WDR76: variants seen among roughly 807,000 people sequenced by gnomAD.
The protein encoded by WDR76 is WD repeat domain 76.
A neutral mutation model predicts 70.2 loss-of-function variants in WDR76; 52 were observed. The ratio of observed to expected loss-of-function variants is 0.74; its 90% confidence interval spans 0.59 to 0.93. The LOEUF (loss-of-function observed/expected upper bound fraction) is 0.93, where lower values mean the gene tolerates loss of function less well. Among genes scored for constraint, WDR76 ranks in the 40% least tolerant of loss-of-function variants. The pLI is 0.00. For synonymous variants in WDR76, 292 were observed against 271.1 expected, an observed-to-expected ratio of 1.08 and a Z score of -0.76; for missense variants, 756 against 760.2, an observed-to-expected ratio of 0.99 and a Z score of 0.07.
At position 43,835,083 on chromosome 15, in the gene WDR76, A is replaced by G. The variant is rs755419620; in HGVS notation, c.485A>G (p.Tyr162Cys). The change falls in exon 3 of 13, where the codon TAC becomes TGC. Residue 162 changes from tyrosine to cysteine, a missense_variant. Transcript: ENST00000263795. ...TAGGATTTTTCGGGATTGTCACCCT[A>G]CGAAAGGAAGAGACTGAAGAACATA... is the stretch of plus-strand genomic sequence containing the variant. ...PSLDFSGLSP[Y>C]ERKRLKNISE... 1.9e-6 allele frequency: 3 copies of G among 1,614,056 alleles called. No individual in the cohort carries two copies. In the African/African-American group the frequency reaches 4.0e-5, roughly 22 times the overall value.
chr15:43,864,077 T>C (rs1045304415), intron 12 of WDR76: 3 of 152,234 alleles, frequency 2.0e-5, no homozygotes, highest in Non-Finnish European at 2.9e-5. Flanking sequence ...CTTGTTTTAC[T>C]TAACATAATG....
Position 43,861,363 on chromosome 15 carries a change from G to C in WDR76, c.1593G>C (p.Lys531Asn). The change falls in exon 12 of 13, where the codon AAG (lysine) becomes AAC (asparagine). Residue 531 changes from lysine to asparagine, a missense_variant. By Grantham distance (94) the Lys-to-Asn change is moderately conservative. Transcript: ENST00000263795. ...RIFDSSCISSKIPLLTTIRHN... is the reference protein window; with the variant it reads ...RIFDSSCISSNIPLLTTIRHN... ...TTGACAGCAGCTGTATATCTTCTAA[G>C]ATTCCGCTCCTCACCACCATCAGGT... is the stretch of plus-strand genomic sequence containing the variant. 6.2e-7 allele frequency: 1 copy of C among 1,613,936 alleles called. No individual in the cohort carries two copies. The highest frequency in any genetic ancestry group is 8.5e-7 in the Non-Finnish European group (1 of 1,179,938).
chr15:43,866,079 C>T (rs2088066274), intron 12 of WDR76, 49 bp from the exon 13 acceptor site: 1 of 1,598,722 alleles, frequency 6.3e-7, no homozygotes, highest in Non-Finnish European at 8.6e-7. Context: ...CCCAATGCTA[C>T]CTTATTTAAC....
At chr15:43,844,678 G>A (rs2087765338) in intron 8 of WDR76, among the ~76,000 whole-genome samples, 1 of 151,300 alleles carries the variant, frequency 6.6e-6, no homozygotes, top group Non-Finnish European at 1.5e-5. Flanking sequence ...GGGAGGCCGA[G>A]GCGGGTGGAT....
At chr15:43,863,729 A>G (rs1225425569) in intron 12 of WDR76, among the ~76,000 whole-genome samples, 1 of 152,046 alleles carries the variant, frequency 6.6e-6, no homozygotes, top group Non-Finnish European at 1.5e-5. Context: ...CCTGCTAGTT[A>G]AAAAAATTAT....
At chr15:43,862,325 A>AT (rs1305086617) in intron 12 of WDR76, among the ~76,000 whole-genome samples, 6 of 21,864 alleles carry the variant, frequency 2.7e-4, no homozygotes, top group Admixed American at 5.1e-4. Flanking sequence ...TTTTTTTTTA[A>AT]TTTTTTTTTA....
chr15:43,849,394 T>C (rs1048044242), intron 8 of WDR76, among the ~76,000 whole-genome samples: 11 of 152,218 alleles, frequency 7.2e-5, no homozygotes, highest in Non-Finnish European at 1.0e-4. Flanking sequence ...GACAGATTTA[T>C]GTGTACCTAT....
Position 43,841,042 on chromosome 15 carries a change from A to C in WDR76, c.732+1314A>C, listed in dbSNP as rs545434827. ...TTTCTTTTTTTTTTTTCTTTCTGAG[A>C]CAGAGTCTCCCTCTGTCACCCAGGC... is the stretch of plus-strand genomic sequence containing the variant. On this transcript the variant is annotated intron_variant, in intron 5 of 12. Transcript: ENST00000263795. 3.1e-4 allele frequency among the ~76,000 whole-genome samples: 47 copies of C among 150,870 alleles called. 1 individual carries two copies. The East Asian group carries it at 8.9e-3, about 29-fold the overall frequency.
chr15:43,832,821 C>T (rs753133215), intron 2 of WDR76, among the ~76,000 whole-genome samples: 4 of 124,334 alleles, frequency 3.2e-5, no homozygotes, highest in Non-Finnish European at 4.8e-5. Context: ...GGTGTGATCT[C>T]GGCTCACTGC....
intron 8 of WDR76, among the ~76,000 whole-genome samples, chr15:43,848,083 A>G (rs989958493): frequency 9.4e-6 from 1 of 105,936 alleles, no homozygotes; most frequent in African/African-American, 4.8e-5. Flanking sequence ...ACAAACAAAC[A>G]AAAAAAAAAC....
chr15:43,841,010 T>G (rs2087717343), intron 5 of WDR76, among the ~76,000 whole-genome samples: 1 of 151,330 alleles, frequency 6.6e-6, no homozygotes, highest in Admixed American at 6.6e-5. Context: ...TGTGGTGCAC[T>G]TTGGTATTTC....
intron 8 of WDR76, among the ~76,000 whole-genome samples, chr15:43,850,558 G>A (rs1298455155): frequency 9.2e-5 from 14 of 152,004 alleles, no homozygotes; most frequent in Non-Finnish European, 1.3e-4. Flanking sequence ...GCCTCCCAAA[G>A]TGCTAGGATT....
chr15:43,827,213 C>T, intron 1 of WDR76, 121 bp downstream of exon 1: 2 of 1,214,508 alleles, frequency 1.6e-6, no homozygotes, highest in Non-Finnish European at 2.4e-6. Flanking sequence ...GGGATCCCTG[C>T]CCTTAGGCCT....
At chr15:43,858,427 T>G (rs2087957259) in intron 10 of WDR76, 2 of 398,666 alleles carry the variant, frequency 5.0e-6, no homozygotes, top group Admixed American at 8.6e-5. Flanking sequence ...TCTTGTATTT[T>G]TAGTAGAGAC....
chr15:43,850,362 G>A (rs2087841599), intron 8 of WDR76, among the ~76,000 whole-genome samples: 1 of 151,634 alleles, frequency 6.6e-6, no homozygotes, highest in Non-Finnish European at 1.5e-5. Context: ...GTGGTGAGAT[G>A]TCGGCTCACT....
chr15:43,857,526 T>C (rs1239183910), intron 10 of WDR76: 3 of 985,226 alleles, frequency 3.0e-6, no homozygotes, highest in Non-Finnish European at 3.6e-6. Flanking sequence ...AAAAACCAAC[T>C]AGAAACTTGA....
At position 43,836,203 on chromosome 15, in the gene WDR76, C is replaced by G. The variant is rs2087654409; in HGVS notation, c.595C>G (p.Pro199Ala). 6.2e-7 allele frequency: 1 copy of G among 1,609,372 alleles called. No individual in the cohort carries two copies. Among genetic ancestry groups the G allele is most frequent in the South Asian group, 1.1e-5 (1 of 89,724 alleles). The change falls in exon 4 of 13, where the codon CCT becomes GCT. Residue 199 changes from proline to alanine, a missense_variant. Physicochemically the swap from Pro to Ala is conservative, Grantham distance 27. Transcript: ENST00000263795. ...LREMIEKRQP[P>A]KSKRKKPKRE... ...TGAAATGATAGAGAAGAGACAGCCT[C>G]CTAAATCCAAAAGGTAAAATATCTA...
intron 10 of WDR76, among the ~76,000 whole-genome samples, chr15:43,857,852 T>C (rs1031362792): frequency 3.3e-5 from 5 of 150,482 alleles, no homozygotes; most frequent in Admixed American, 3.3e-4. Context: ...AAAGTCTTTC[T>C]GTACACACTG....
chr15:43,829,999 T>A (rs2087566604), intron 2 of WDR76, among the ~76,000 whole-genome samples: 1 of 151,736 alleles, frequency 6.6e-6, no homozygotes, highest in East Asian at 1.9e-4. Context: ...TTTTTCTTTT[T>A]CTTTCTTTCT....
Sources: gnomAD v4.1 joint callset for allele counts (sites outside exome capture counted in the v4.1 genomes callset) on GRCh38, gnomAD v4.1.1 for gene constraint, MANE v1.5 for transcripts, NCBI Gene and HGNC (gene_info 2026-07-23, HGNC 2026-07-21) for gene names.